The following PARD3B variants were observed in gnomAD, a reference collection of about 807,000 sequenced individuals.
PARD3B encodes par-3 family cell polarity regulator beta, also known as partitioning defective 3 homolog B.
Under a neutral mutation model 130.2 loss-of-function variants are expected in PARD3B, and 103 were observed. That is an observed-to-expected ratio of 0.79 (90% confidence interval 0.67 to 0.93). The LOEUF (loss-of-function observed/expected upper bound fraction) is 0.93. PARD3B is among the 40% of genes least tolerant of loss of function. The pLI is 0.00. For missense variants in PARD3B, 1,609 were observed against 1,499.2 expected, an observed-to-expected ratio of 1.07 and a Z score of -1.21; for synonymous variants, 583 against 553.2, an observed-to-expected ratio of 1.05 and a Z score of -0.76.
At chr2:205,543,414 A>T (rs1253756173) in intron 21 of PARD3B, among the ~76,000 whole-genome samples, 1 of 152,156 alleles carries the variant, frequency 6.6e-6, no homozygotes, top group Non-Finnish European at 1.5e-5. Flanking sequence ...AAGACCACAA[A>T]CCACTGAGAA....
Position 205,118,946 on chromosome 2 carries a change from A to C in PARD3B, c.706A>C (p.Ile236Leu). The change falls in exon 7 of 23, where the codon ATT becomes CTT. Residue 236 changes from isoleucine to leucine, a missense_variant. Coordinates refer to ENST00000406610, the MANE Select transcript of PARD3B (RefSeq NM_001302769.2). Reference protein sequence around the residue: ...GRILGLFIRGIEDNSRSKREG... With the variant: ...GRILGLFIRGLEDNSRSKREG... ...GATTCTAGGACTCTTCATCCGAGGC[A>C]TTGAAGACAACAGCAGGTCCAAGCG... The C allele has an allele frequency of 1.2e-6, 2 of 1,607,888 alleles. No individual in the cohort carries two copies. The highest frequency in any genetic ancestry group is 1.3e-5 in the African/African-American group (1 of 74,662).
chr2:205,026,515 C>T (rs997327362), intron 3 of PARD3B, among the ~76,000 whole-genome samples: 1 of 152,036 alleles, frequency 6.6e-6, no homozygotes, highest in Non-Finnish European at 1.5e-5. Context: ...CCTTAGTTAC[C>T]ATTTGTGCAT....
At chr2:205,296,028 A>T (rs1286028089) in intron 16 of PARD3B, among the ~76,000 whole-genome samples, 3 of 152,190 alleles carry the variant, frequency 2.0e-5, no homozygotes, top group Admixed American at 6.5e-5. Context: ...GCATGATCAT[A>T]TTTAAGAATT....
At position 205,546,184 on chromosome 2, in the gene PARD3B, A is replaced by T. The variant is rs550757799; in HGVS notation, c.3181-7140A>T. On this transcript the variant is annotated intron_variant, in intron 21 of 22. Transcript: ENST00000406610. ...ACAGGCTGTCATAATCCAGCCAAAG[A>T]GGGTCACCACGTGCAAGGCGCACCA... is the stretch of plus-strand genomic sequence containing the variant. 8.5e-5 allele frequency among the ~76,000 whole-genome samples: 13 copies of T among 152,316 alleles called. No individual in the cohort carries two copies. The East Asian group carries it at 2.5e-3, about 29-fold the overall frequency.
At position 205,615,781 on chromosome 2, in the gene PARD3B, C is replaced by T. The variant is rs888272675; in HGVS notation, c.3586C>T (p.Arg1196Trp). The change falls in exon 23 of 23, where the codon CGG becomes TGG. Residue 1196 changes from arginine (R) to tryptophan (W), a missense_variant. Transcript: ENST00000406610. ...DQYPYRTQDS[R>W]QKNPMTAAV ...GTACCCTTACCGAACCCAGGATTCC[C>T]GGCAGAAGAACCCCATGACTGCAGC... is the stretch of plus-strand genomic sequence containing the variant. 1.6e-5 allele frequency: 26 copies of T among 1,613,728 alleles called. No homozygotes were observed. The highest frequency in any genetic ancestry group is 1.3e-4 in the Admixed American group (8 of 59,976).
rs1159099440 is a variant in PARD3B, at chr2:205,158,826, A to T, written c.1539A>T (p.Leu513Phe). 1.2e-6 allele frequency: 2 copies of T among 1,614,154 alleles called. No individual in the cohort carries two copies. The highest frequency in any genetic ancestry group is 1.7e-5 in the Admixed American group (1 of 60,024). ...DSGSAGLGVSLKGNKSRETGT... is the reference protein window; with the variant it reads ...DSGSAGLGVSFKGNKSRETGT... Reference sequence around the variant, plus strand: ...GTTCTGCTGGCCTCGGGGTGAGCTTAAAAGGGAACAAATCCAGAGAAACTG... The same window carrying T: ...GTTCTGCTGGCCTCGGGGTGAGCTTTAAAGGGAACAAATCCAGAGAAACTG... The change falls in exon 11 of 23, where the codon TTA becomes TTT. Residue 513 changes from leucine (L) to phenylalanine (F), a missense_variant. Leu to Phe is a conservative substitution (Grantham distance 22). Transcript: ENST00000406610. The surrounding 1 kb of genome is among the most constrained non-coding windows in gnomAD (Gnocchi z 5.4).
intron 1 of PARD3B, among the ~76,000 whole-genome samples, chr2:204,635,353 G>C (rs1028036328): frequency 5.9e-5 from 9 of 152,180 alleles, no homozygotes; most frequent in African/African-American, 1.9e-4. Context: ...GGGTTGGTCA[G>C]TGTGTCTAGG....
chr2:204,837,873 A>G (rs1191298904), intron 2 of PARD3B, among the ~76,000 whole-genome samples: 1 of 152,134 alleles, frequency 6.6e-6, no homozygotes, highest in Non-Finnish European at 1.5e-5. Context: ...TTTGAAGACC[A>G]CTATTTGTCC....
intron 3 of PARD3B, among the ~76,000 whole-genome samples, chr2:205,010,374 A>G (rs1243095047): frequency 6.6e-6 from 1 of 152,116 alleles, no homozygotes; most frequent in Non-Finnish European, 1.5e-5. Flanking sequence ...ATTTGCCCTC[A>G]AGATCTATGC....
In PARD3B at chr2:205,383,117, T is replaced by TAGATAGATAGATAGATAGAGAGATAGAG. The variant is rs367894218; in HGVS notation, c.2631-17877_2631-17876insGAGATAGAGAGATAGATAGATAGATAGA. ...ATAGATAGATAGATAGATAGATAGA[T>TAGATAGATAGATAGATAGAGAGATAGAG]AGATAGATAGATAGATAGATAGATC... On this transcript the variant is annotated intron_variant, in intron 18 of 22. Coordinates refer to ENST00000406610, the MANE Select transcript of PARD3B (RefSeq NM_001302769.2). 2.7e-5 allele frequency among the ~76,000 whole-genome samples: 4 copies of TAGATAGATAGATAGATAGAGAGATAGAG among 149,942 alleles called. No homozygotes were observed. In the South Asian group the frequency reaches 6.4e-4, roughly 24 times the overall value.
intron 18 of PARD3B, among the ~76,000 whole-genome samples, chr2:205,348,562 G>A (rs1345625176): frequency 6.6e-6 from 1 of 152,192 alleles, no homozygotes; most frequent in Admixed American, 6.5e-5. Context: ...GGAAATGGCA[G>A]GTAGGTGATC....
At chr2:205,364,046 T>C (rs2044505771) in intron 18 of PARD3B, among the ~76,000 whole-genome samples, 5 of 152,014 alleles carry the variant, frequency 3.3e-5, no homozygotes, top group Non-Finnish European at 7.4e-5. Flanking sequence ...GGTCAGAGGA[T>C]TGACCCAGCG....
chr2:204,704,795 C>T (rs1246473004), intron 2 of PARD3B, among the ~76,000 whole-genome samples: 1 of 151,994 alleles, frequency 6.6e-6, no homozygotes, highest in Non-Finnish European at 1.5e-5. Context: ...ATTTTTTCCC[C>T]TAATGCTTGG....
chr2:205,605,477 GTTTT>G (rs915362898), intron 22 of PARD3B, among the ~76,000 whole-genome samples: 3 of 151,978 alleles, frequency 2.0e-5, no homozygotes, highest in African/African-American at 7.2e-5. Context: ...TTGTTTTGTT[GTTTT>G]TTGTTTGTTT....
In PARD3B at chr2:205,489,539, C is replaced by CA. The variant is rs2049600444; in HGVS notation, c.3045-10356dup. Among the ~76,000 whole-genome samples, 3 of 18,252 alleles carry CA rather than the reference C, an allele frequency of 1.6e-4. No individual in the cohort carries two copies. In the Admixed American group the frequency reaches 2.5e-3, roughly 15 times the overall value. 12.0% of individuals were successfully genotyped at this position (18,252 alleles called of 152,430 possible). A position where few individuals can be genotyped will look rare whatever the true frequency, so the allele number is the denominator to read the frequency against. On this transcript the variant is annotated intron_variant, in intron 20 of 22. Coordinates refer to ENST00000406610, the MANE Select transcript of PARD3B (RefSeq NM_001302769.2). ...TATATATATACACACATATATATGGCATATATATGTATATATATACATATA... is the reference window on the plus strand; with the variant it reads ...TATATATATACACACATATATATGGCAATATATATGTATATATATACATATA...
chr2:204,574,473 G>A (rs1332846622), intron 1 of PARD3B, among the ~76,000 whole-genome samples: 1 of 152,168 alleles, frequency 6.6e-6, no homozygotes, highest in African/African-American at 2.4e-5. Context: ...ATCTGTGAGA[G>A]GTTATAGATT....
intron 18 of PARD3B, among the ~76,000 whole-genome samples, chr2:205,307,804 T>A (rs1343283260): frequency 1.3e-5 from 2 of 152,198 alleles, no homozygotes; most frequent in Non-Finnish European, 2.9e-5. Context: ...CCATTTTTTT[T>A]ATATAATAGC....
intron 18 of PARD3B, among the ~76,000 whole-genome samples, chr2:205,370,984 C>A (rs1248400795): frequency 1.3e-5 from 2 of 152,074 alleles, no homozygotes; most frequent in Non-Finnish European, 2.9e-5. Context: ...CTGTGGGCAC[C>A]TTGCTATTGC....
chr2:204,905,397 G>A (rs1391499449), intron 2 of PARD3B, among the ~76,000 whole-genome samples: 1 of 152,156 alleles, frequency 6.6e-6, no homozygotes, highest in Non-Finnish European at 1.5e-5. Flanking sequence ...CAGTGGTATA[G>A]TGTGCTGTCT....
Sources: allele counts gnomAD v4.1 joint callset (sites outside exome capture counted in the v4.1 genomes callset), GRCh38; gene constraint gnomAD v4.1.1; non-coding constraint Gnocchi (gnomAD v3.1); transcripts MANE v1.5; gene names NCBI Gene and HGNC (gene_info 2026-07-23, HGNC 2026-07-21).